C5: variants seen among roughly 807,000 people sequenced by gnomAD.
C5 encodes the protein C3 and PZP-like alpha-2-macroglobulin domain-containing protein 4.
C5 carries 140 observed loss-of-function variants against 218.8 expected under a neutral mutation model. The observed-to-expected ratio is 0.64, with a 90% CI of 0.56 to 0.74. The LOEUF (loss-of-function observed/expected upper bound fraction) is 0.74, where lower values mean the gene tolerates loss of function less well. Among genes scored for constraint, C5 ranks in the 30% least tolerant of loss-of-function variants. C5 has a pLI of 0.00. For missense variants in C5, 1,700 were observed against 1,969.6 expected, an observed-to-expected ratio of 0.86 and a Z score of 2.59; for synonymous variants, 614 against 682.3, an observed-to-expected ratio of 0.90 and a Z score of 1.56.
At chr9:120,974,723 G>T in intron 30 of C5, 56 bp downstream of exon 30, 1 of 1,433,550 alleles carries the variant, frequency 7.0e-7, no homozygotes, top group South Asian at 1.1e-5. Context: ...GAGTGGAACA[G>T]ATGATTTCAA....
Position 120,952,828 on chromosome 9 carries a change from A to G in C5, c.4942T>C (p.Trp1648Arg). 1 of 1,613,962 alleles carries G rather than the reference A, an allele frequency of 6.2e-7. No individual in the cohort carries two copies. The highest frequency in any genetic ancestry group is 8.5e-7 in the Non-Finnish European group (1 of 1,179,842). The change falls in exon 41 of 41, where the codon TGG (tryptophan) becomes CGG (arginine). Residue 1648 changes from tryptophan (W) to arginine (R), a missense_variant. Transcript: ENST00000223642. ...GATGAACATGTTGTGTCTCTAGGCCAGTATTCAATCCAGGTCAAGGAATCT... is the reference window on the plus strand; with the variant it reads ...GATGAACATGTTGTGTCTCTAGGCCGGTATTCAATCCAGGTCAAGGAATCT... ...PLDSLTWIEY[W>R]PRDTTCSSCQ... is the part of the protein sequence containing the mutation.
At chr9:121,033,061 T>TAC (rs1475403942) in intron 5 of C5, among the ~76,000 whole-genome samples, 2 of 149,620 alleles carry the variant, frequency 1.3e-5, no homozygotes, top group Admixed American at 6.8e-5. Context: ...TATGTGTGTA[T>TAC]ACACACATAT....
the C5 span, among the ~76,000 whole-genome samples, chr9:121,059,918 C>A: frequency 6.6e-6 from 1 of 152,302 alleles, no homozygotes; most frequent in South Asian, 2.1e-4. The surrounding 1 kb of genome is among the most constrained non-coding windows in gnomAD (Gnocchi z 4.1). Context: ...TTGACTGCAA[C>A]CTCATAAGAG....
At chr9:121,055,626 TG>T in the C5 span, among the ~76,000 whole-genome samples, 1 of 152,236 alleles carries the variant, frequency 6.6e-6, no homozygotes, top group African/African-American at 2.4e-5. Context: ...AGGCCCATCC[TG>T]GGTCAGAAGG....
intron 38 of C5, among the ~76,000 whole-genome samples, chr9:120,959,285 T>A (rs1043232266): frequency 2.9e-5 from 4 of 137,318 alleles, no homozygotes; most frequent in Admixed American, 1.4e-4. Flanking sequence ...TGAGACAGAG[T>A]CTTGCTGGTG....
chr9:121,002,936 A>G (rs1031642859), intron 20 of C5, among the ~76,000 whole-genome samples: 2 of 152,188 alleles, frequency 1.3e-5, no homozygotes, highest in Admixed American at 1.3e-4. Context: ...GATTTATGCA[A>G]ACCCTGTGAG....
At chr9:120,965,321 ACCAG>A (rs1420219822) in intron 33 of C5, among the ~76,000 whole-genome samples, 2 of 152,046 alleles carry the variant, frequency 1.3e-5, no homozygotes, top group Non-Finnish European at 2.9e-5. Flanking sequence ...GGAGTTCGAG[ACCAG>A]CCTGGCCAAC....
At chr9:121,007,072 C>T (rs1007258813) in intron 18 of C5, 95 bp from the exon 19 acceptor site, 1 of 913,186 alleles carries the variant, frequency 1.1e-6, no homozygotes, top group Admixed American at 1.8e-5. Flanking sequence ...CTTCAAACTA[C>T]TTTAGAGAAA....
chr9:121,014,060 A>G lies in C5; in HGVS notation c.2070T>C (p.Tyr690=), dbSNP rs1412771529. Reference sequence around the variant, plus strand: ...AACATTTCTTCACTACTGAATGTTTATATTTAGCAGCTGAAATGGTAATAA... The same window carrying G: ...AACATTTCTTCACTACTGAATGTTTGTATTTAGCAGCTGAAATGGTAATAA... ...QKKIEEIAAK[Y]KHSVVKKCCY... is the part of the protein sequence containing the mutation. Residue 690 remains tyrosine, a synonymous_variant, in exon 17 of 41, where the codon TAT becomes TAC. Coordinates refer to ENST00000223642, the MANE Select transcript of C5 (RefSeq NM_001735.3). 2 of 1,613,894 alleles carry G rather than the reference A, an allele frequency of 1.2e-6. No homozygotes were observed. The highest frequency in any genetic ancestry group is 1.7e-6 in the Non-Finnish European group (2 of 1,179,914).
At position 120,982,010 on chromosome 9, in the gene C5, T is replaced by C. The variant is rs533799108; in HGVS notation, c.3391-71A>G. 3.1e-4 allele frequency: 315 copies of C among 1,025,998 alleles called. No individual in the cohort carries two copies. The African/African-American group carries it at 3.1e-3, about 10-fold the overall frequency. The allele number at this position is 1,025,998 out of a possible 1,614,324, so 63.6% of individuals were successfully genotyped here. On this transcript the variant is annotated intron_variant, in intron 26 of 40. Transcript: ENST00000223642. ...AAGGCGAAATGACCTGATTCTACTC[T>C]GTTTTTTGTTTGTTTGTTTGAGATG...
chr9:121,062,298 A>C, the C5 span, among the ~76,000 whole-genome samples: 1 of 152,344 alleles, frequency 6.6e-6, no homozygotes, highest in African/African-American at 2.4e-5. Context: ...GTGAATGAGG[A>C]GGCAAGGAAT....
chr9:120,957,224 G>T, intron 39 of C5, 61 bp downstream of exon 39: 1 of 1,101,974 alleles, frequency 9.1e-7, no homozygotes, highest in Non-Finnish European at 1.4e-6. Flanking sequence ...ATAATGCCTG[G>T]CACATAGTCA....
intron 36 of C5, among the ~76,000 whole-genome samples, chr9:120,961,982 A>G (rs1038850256): frequency 1.3e-5 from 2 of 152,188 alleles, no homozygotes; most frequent in African/African-American, 4.8e-5. Flanking sequence ...TTCAGAATAT[A>G]AAACTAGAAT....
At chr9:121,073,698 G>C in the C5 span, among the ~76,000 whole-genome samples, 1 of 151,958 alleles carries the variant, frequency 6.6e-6, no homozygotes, top group Non-Finnish European at 1.5e-5. Flanking sequence ...ATTTTTAGTA[G>C]AGACGGCGTT....
At chr9:121,048,286 C>T (rs1588002677) in intron 1 of C5, among the ~76,000 whole-genome samples, 2 of 152,156 alleles carry the variant, frequency 1.3e-5, no homozygotes, top group South Asian at 4.1e-4. Flanking sequence ...AATACCAGTC[C>T]ATGGCTTGTT....
intron 18 of C5, 86 bp from the exon 19 acceptor site, chr9:121,007,063 T>C: frequency 1.0e-6 from 1 of 1,002,084 alleles, no homozygotes; most frequent in Non-Finnish European, 1.6e-6. Context: ...GAATTTTTGC[T>C]TCAAACTACT....
intron 25 of C5, among the ~76,000 whole-genome samples, chr9:120,988,695 A>G (rs1164776858): frequency 6.6e-6 from 1 of 152,204 alleles, no homozygotes; most frequent in Non-Finnish European, 1.5e-5. Context: ...GAGTGGCATG[A>G]TCTAACATAT....
chr9:121,068,473 T>G, the C5 span, among the ~76,000 whole-genome samples: 1 of 152,024 alleles, frequency 6.6e-6, no homozygotes, highest in Admixed American at 6.6e-5. Context: ...TGGAAGAAAT[T>G]GAAGAGGGTA....
the C5 span, among the ~76,000 whole-genome samples, chr9:121,072,440 T>C: frequency 1.3e-5 from 2 of 152,066 alleles, no homozygotes; most frequent in African/African-American, 2.4e-5. Context: ...TCAAAACATA[T>C]GCAAATAGAA....
Sources: allele counts gnomAD v4.1 joint callset (sites outside exome capture counted in the v4.1 genomes callset), GRCh38; gene constraint gnomAD v4.1.1; non-coding constraint Gnocchi (gnomAD v3.1); transcripts MANE v1.5; gene names NCBI Gene and HGNC (gene_info 2026-07-23, HGNC 2026-07-21).